The following CADPS2 variants were observed in gnomAD, a reference collection of about 807,000 sequenced individuals.
CADPS2 encodes the protein calcium-dependent secretion activator 2.
Under a neutral mutation model 172.5 loss-of-function variants are expected in CADPS2, and 93 were observed. That is an observed-to-expected ratio of 0.54 (90% CI 0.46 to 0.64). The LOEUF (loss-of-function observed/expected upper bound fraction) is 0.64. Among genes scored for constraint, CADPS2 ranks in the 30% least tolerant of loss-of-function variants. The pLI is 0.00. For synonymous variants in CADPS2, 546 were observed against 555.2 expected, an observed-to-expected ratio of 0.98 and a Z score of 0.23; for missense variants, 1,420 against 1,565.9, an observed-to-expected ratio of 0.91 and a Z score of 1.57.
At chr7:122,366,456 T>A (rs2040859778) in intron 25 of CADPS2, among the ~76,000 whole-genome samples, 1 of 144,764 alleles carries the variant, frequency 6.9e-6, no homozygotes, top group Non-Finnish European at 1.5e-5. Flanking sequence ...AAAAAAAAAA[T>A]TACCCGGCCA....
At chr7:122,450,838 A>T (rs776711476) in intron 15 of CADPS2, among the ~76,000 whole-genome samples, 1 of 152,108 alleles carries the variant, frequency 6.6e-6, no homozygotes, top group Non-Finnish European at 1.5e-5. Context: ...ACTGGCTGAT[A>T]GCTAATTTTT....
intron 1 of CADPS2, among the ~76,000 whole-genome samples, chr7:122,818,986 C>T (rs1299003199): frequency 6.6e-6 from 1 of 152,116 alleles, no homozygotes; most frequent in African/African-American, 2.4e-5. Flanking sequence ...AATAAAACTC[C>T]AAAAATTAAA....
rs181975794 is a variant in CADPS2, at chr7:122,541,887, T to G, written c.1475+12663A>C. Among the ~76,000 whole-genome samples, 121 of 145,038 alleles carry G rather than the reference T, an allele frequency of 8.3e-4. 3 individuals are homozygous for G. The East Asian group carries it at 0.015, about 18-fold the overall frequency. On this transcript the variant is annotated intron_variant, in intron 8 of 29. Transcript: ENST00000449022. ...TATATGCATATATATTTATATATAT[T>G]CATATATATTTATATATTCATATAT...
chr7:122,631,063 C>T (rs150486136), intron 3 of CADPS2, among the ~76,000 whole-genome samples: 10 of 152,070 alleles, frequency 6.6e-5, no homozygotes, highest in South Asian at 4.2e-4. Flanking sequence ...GCAGTAAGTA[C>T]GGGTTCCAGG....
At chr7:122,879,164 G>C (rs986403430) in intron 1 of CADPS2, among the ~76,000 whole-genome samples, 1 of 151,630 alleles carries the variant, frequency 6.6e-6, no homozygotes, top group Non-Finnish European at 1.5e-5. Flanking sequence ...TTGAACGCGG[G>C]AGGCAGAGGT....
rs1025876316 is a variant in CADPS2 at position 122,766,428 on chromosome 7, A to G, written c.340-29360T>C. Among the ~76,000 whole-genome samples the G allele has an allele frequency of 9.8e-5, 15 of 152,294 alleles. No individual in the cohort carries two copies. The South Asian group carries it at 3.1e-3, about 32-fold the overall frequency. On this transcript the variant is annotated intron_variant, in intron 1 of 29. Coordinates refer to ENST00000449022, the MANE Select transcript of CADPS2 (RefSeq NM_017954.11). Reference sequence around the variant, plus strand: ...TGTAATTTAGAAATATTTTATACCGATAAGAATATTTCTACATTTCTAATC... The same window carrying G: ...TGTAATTTAGAAATATTTTATACCGGTAAGAATATTTCTACATTTCTAATC...
chr7:122,855,276 A>C (rs1416942761), intron 1 of CADPS2, among the ~76,000 whole-genome samples: 1 of 152,204 alleles, frequency 6.6e-6, no homozygotes, highest in Non-Finnish European at 1.5e-5. Context: ...AAAGGAAGGG[A>C]GCAGCCACTG....
intron 13 of CADPS2, among the ~76,000 whole-genome samples, 156 bp downstream of exon 13, chr7:122,474,225 T>C (rs912628740): frequency 6.6e-6 from 1 of 152,162 alleles, no homozygotes; most frequent in African/African-American, 2.4e-5. Flanking sequence ...TGGAATCCTT[T>C]ATCCCTCACT....
At chr7:122,475,660 C>A (rs1023642196) in intron 12 of CADPS2, among the ~76,000 whole-genome samples, 1 of 152,146 alleles carries the variant, frequency 6.6e-6, no homozygotes, top group African/African-American at 2.4e-5. Context: ...TGATCCATGT[C>A]AAGTTCAACT....
chr7:122,797,095 GA>G (rs1029939376), intron 1 of CADPS2, among the ~76,000 whole-genome samples: 8 of 150,454 alleles, frequency 5.3e-5, no homozygotes, highest in Admixed American at 2.7e-4. Context: ...ACAATCATAT[GA>G]AAAAAAAAGC....
chr7:122,633,514 TAGA>T (rs1392589838), intron 3 of CADPS2, among the ~76,000 whole-genome samples: 1 of 152,170 alleles, frequency 6.6e-6, no homozygotes, highest in Non-Finnish European at 1.5e-5. Flanking sequence ...TACTGATGTA[TAGA>T]AGTTCTATTG....
chr7:122,877,272 G>T (rs1821451874), intron 1 of CADPS2, among the ~76,000 whole-genome samples: 1 of 152,094 alleles, frequency 6.6e-6, no homozygotes, highest in Non-Finnish European at 1.5e-5. Flanking sequence ...GATAAACAAA[G>T]AATACCAGAA....
chr7:122,761,587 C>T lies in CADPS2; in HGVS notation c.340-24519G>A, dbSNP rs1012047124. Among the ~76,000 whole-genome samples the T allele has an allele frequency of 2.2e-4, 33 of 151,836 alleles. No individual in the cohort carries two copies. The East Asian group carries it at 3.5e-3, about 16-fold the overall frequency. ...ACTTAGAAGAATCAGACCAGCAGGACGACAAAAACCACCACCCTATTCTTA... is the reference window on the plus strand; with the variant it reads ...ACTTAGAAGAATCAGACCAGCAGGATGACAAAAACCACCACCCTATTCTTA... On this transcript the variant is annotated intron_variant, in intron 1 of 29. Transcript: ENST00000449022.
At chr7:122,544,055 G>A (rs977879037) in intron 8 of CADPS2, among the ~76,000 whole-genome samples, 2 of 151,990 alleles carry the variant, frequency 1.3e-5, no homozygotes, top group African/African-American at 4.8e-5. Flanking sequence ...ACATTCTTAC[G>A]AGCTCAGCAG....
At chr7:122,597,574 A>C (rs1271705934) in intron 6 of CADPS2, among the ~76,000 whole-genome samples, 1 of 152,160 alleles carries the variant, frequency 6.6e-6, no homozygotes, top group Non-Finnish European at 1.5e-5. Flanking sequence ...CTGCTTAAGT[A>C]GAAACCATAG....
chr7:122,744,668 A>G (rs889837239), intron 1 of CADPS2, among the ~76,000 whole-genome samples: 1 of 152,176 alleles, frequency 6.6e-6, no homozygotes, highest in African/African-American at 2.4e-5. Context: ...CCATATTAAT[A>G]TGTTTTATAA....
At chr7:122,588,424 A>G (rs746467376) in intron 6 of CADPS2, among the ~76,000 whole-genome samples, 4 of 152,084 alleles carry the variant, frequency 2.6e-5, no homozygotes, top group Admixed American at 2.0e-4. Context: ...ATGGCTAACC[A>G]GTTTCCCCAG....
intron 19 of CADPS2, 177 bp from the exon 20 acceptor site, chr7:122,407,873 A>T (rs532199760): frequency 3.4e-6 from 2 of 592,522 alleles, no homozygotes; most frequent in East Asian, 5.7e-5. Context: ...TTAAAATCAT[A>T]GATTTGGCAC....
intron 7 of CADPS2, among the ~76,000 whole-genome samples, chr7:122,569,313 C>A (rs2132456918): frequency 6.6e-6 from 1 of 152,096 alleles, no homozygotes; most frequent in African/African-American, 2.4e-5. Context: ...ACTTAGGAAT[C>A]CAGCTTACAA....
Sources: allele counts gnomAD v4.1 joint callset (sites outside exome capture counted in the v4.1 genomes callset), GRCh38; gene constraint gnomAD v4.1.1; transcripts MANE v1.5; gene names NCBI Gene and HGNC (gene_info 2026-07-23, HGNC 2026-07-21).